The following GPR153 variants were observed in gnomAD, a reference collection of about 807,000 sequenced individuals.
GPR153 encodes G protein-coupled receptor 153.
A neutral mutation model predicts 34.1 loss-of-function variants in GPR153; 27 were observed. That is an observed-to-expected ratio of 0.79 (90% CI 0.58 to 1.09). GPR153 has a LOEUF of 1.09. Ranked by LOEUF, GPR153 falls within the 50% of genes least tolerant of loss-of-function variation. The pLI, the probability that GPR153 is intolerant of heterozygous loss-of-function variation, is 0.00. For synonymous variants in GPR153, 408 were observed against 405.4 expected (o/e 1.01, Z -0.08); for missense variants, 848 against 860.2 (o/e 0.99, Z 0.18).
rs929803533 is a variant in GPR153 at position 6,250,250 on chromosome 1, G to C, written c.1164+190C>G. The C allele has an allele frequency of 5.1e-6, 5 of 985,300 alleles. No homozygotes were observed. The African/African-American group carries it at 8.7e-5, about 17-fold the overall frequency. The allele number at this position is 985,300 out of a possible 1,614,324, so 61.0% of individuals were successfully genotyped here. On this transcript the variant is annotated intron_variant, in intron 5 of 5. Coordinates refer to ENST00000377893, the MANE Select transcript of GPR153 (RefSeq NM_207370.4). ...CGGCAGGAGATAACTCATGTGACAG[G>C]GACCATGGGGGTGGCGGTTGGGGCC... is the stretch of plus-strand genomic sequence containing the variant.
At chr1:6,257,601 G>A (rs927330663) in intron 1 of GPR153, among the ~76,000 whole-genome samples, 1 of 152,250 alleles carries the variant, frequency 6.6e-6, no homozygotes, top group East Asian at 1.9e-4. Context: ...GTGCTCTGGG[G>A]TAGTGGCCAG....
Position 6,248,510 on chromosome 1 carries a change from G to A in GPR153, c.*828C>T, listed in dbSNP as rs76534458. 4,617 of 152,512 alleles carry A rather than the reference G, an allele frequency of 0.03. 92 individuals carry two copies. Among genetic ancestry groups the A allele is most frequent in the Non-Finnish European group, 0.045 (3,051 of 68,146 alleles). The allele number at this position is 152,512 out of a possible 1,614,324, so 9.4% of individuals were successfully genotyped here. On this transcript the variant is annotated 3_prime_UTR_variant, in exon 6 of 6. Coordinates refer to ENST00000377893, the MANE Select transcript of GPR153 (RefSeq NM_207370.4). Reference sequence around the variant, plus strand: ...CACTAATGGTGGTCAAGGTGGCTCAGGTGCCATTGGTGGTGGTCCACAGTG... The same window carrying A: ...CACTAATGGTGGTCAAGGTGGCTCAAGTGCCATTGGTGGTGGTCCACAGTG...
chr1:6,250,716 T>A, intron 4 of GPR153, 92 bp from the exon 5 acceptor site: 1 of 605,892 alleles, frequency 1.7e-6, no homozygotes, highest in Admixed American at 2.7e-5. Context: ...CCCCCTGAGA[T>A]CCCCCAACAG....
chr1:6,252,154 A>G (rs564218766), intron 3 of GPR153, among the ~76,000 whole-genome samples: 4 of 152,146 alleles, frequency 2.6e-5, no homozygotes, highest in Non-Finnish European at 4.4e-5. Flanking sequence ...GACTGCCACA[A>G]AAGAGTGAAA....
At chr1:6,255,476 A>G (rs550161992) in intron 1 of GPR153, among the ~76,000 whole-genome samples, 122 of 148,076 alleles carry the variant, frequency 8.2e-4, no homozygotes, top group South Asian at 7.6e-3. Context: ...GGATTACAAG[A>G]TAACACTATT....
chr1:6,254,081 C>A lies in GPR153; in HGVS notation c.423G>T (p.Leu141=). 1 of 1,613,614 alleles carries A rather than the reference C, an allele frequency of 6.2e-7. No homozygotes were observed. Among genetic ancestry groups the A allele is most frequent in the South Asian group, 1.1e-5 (1 of 91,080 alleles). The change falls in exon 3 of 6, where the codon CTG becomes CTT. Residue 141 remains leucine (L), a synonymous_variant. Transcript: ENST00000377893. Reference sequence around the variant, plus strand: ...GCCAGCCAACGGCAGGCAGGGCCGACAGGATGAAGGACACCATCCAGATAC... The same window carrying A: ...GCCAGCCAACGGCAGGCAGGGCCGAAAGGATGAAGGACACCATCCAGATAC... The part of the protein sequence containing the change: ...VMGIWMVSFI[L]SALPAVGWHD...
rs182016925 is a variant in GPR153 at position 6,255,275 on chromosome 1, T to C, written c.-109-261A>G. On this transcript the variant is annotated intron_variant, in intron 1 of 5. Coordinates refer to ENST00000377893, the MANE Select transcript of GPR153 (RefSeq NM_207370.4). Reference sequence around the variant, plus strand: ...GTGCAGTGGCGCAATCTCAGCTCACTGCAAGCTCCGCTTCCCGGGTTCATG... The same window carrying C: ...GTGCAGTGGCGCAATCTCAGCTCACCGCAAGCTCCGCTTCCCGGGTTCATG... 7.0e-3 allele frequency among the ~76,000 whole-genome samples: 1,057 copies of C among 152,022 alleles called. 13 individuals carry two copies. The highest frequency in any genetic ancestry group is 0.026 in the South Asian group (125 of 4,810).
At chr1:6,260,371 TC>T (rs1638645005) in intron 1 of GPR153, among the ~76,000 whole-genome samples, 1 of 32,332 alleles carries the variant, frequency 3.1e-5, no homozygotes, top group African/African-American at 2.3e-4. Flanking sequence ...CCCCTGGGGC[TC>T]CGATCCCCCC....
Position 6,254,044 on chromosome 1 carries a change from CGCTGGTGTCGT to C in GPR153, c.449_459del (p.His150ArgfsTer14). 1 of 1,613,436 alleles carries C rather than the reference CGCTGGTGTCGT, an allele frequency of 6.2e-7. No homozygotes were observed. Among genetic ancestry groups the C allele is most frequent in the Non-Finnish European group, 8.5e-7 (1 of 1,180,002 alleles). ...CGGCAGCCATGGGTGTAGAAGCGCT[CGCTGGTGTCGT>C]GCCAGCCAACGGCAGGCAGGGCCGA... On this transcript the variant is annotated frameshift_variant, in exon 3 of 6. Coordinates refer to ENST00000377893, the MANE Select transcript of GPR153 (RefSeq NM_207370.4). LOFTEE classifies it high-confidence loss of function.
At position 6,249,369 on chromosome 1, in the gene GPR153, A is replaced by G. The variant is rs1638378628; in HGVS notation, c.1799T>C (p.Leu600Pro). 2.2e-6 allele frequency: 3 copies of G among 1,342,724 alleles called. No individual in the cohort carries two copies. The highest frequency in any genetic ancestry group is 3.9e-5 in the South Asian group (2 of 50,828). 83.2% of individuals were successfully genotyped at this position (1,342,724 alleles called of 1,614,324 possible). A position where few individuals can be genotyped will look rare whatever the true frequency, so the allele number is the denominator to read the frequency against. ...CGCGGAGCCCAGCGAGTCCGAGTGC[A>G]GCGTGGCGTAGCCCGAGGACTCGGA... Reference protein sequence around the residue: ...SPSESSGYATLHSDSLGSAS With the variant: ...SPSESSGYATPHSDSLGSAS Residue 600 changes from leucine to proline, a missense_variant, in exon 6 of 6, where the codon CTG becomes CCG. Coordinates refer to ENST00000377893, the MANE Select transcript of GPR153 (RefSeq NM_207370.4). This position sits in a 1 kb window ranked among gnomAD's most constrained non-coding sequence, Gnocchi z 4.3.
chr1:6,254,242 C>G (rs1363609499), intron 2 of GPR153, 95 bp from the exon 3 acceptor site: 15 of 1,138,258 alleles, frequency 1.3e-5, no homozygotes, highest in Non-Finnish European at 1.9e-5. Flanking sequence ...ACCACCCAGG[C>G]ACCCCACACC....
chr1:6,254,007 G>T lies in GPR153; in HGVS notation c.497C>A (p.Ala166Asp), dbSNP rs1461143248. Residue 166 changes from alanine to aspartate, a missense_variant, in exon 3 of 6, where the codon GCT (alanine) becomes GAT (aspartate). Physicochemically the swap from Ala to Asp is moderately radical, Grantham distance 126. Transcript: ENST00000377893. ...GACGCCAAAGCCCAGGCCGATCTCA[G>T]CCACGATGAAGCGGCAGCCATGGGT... ...FYTHGCRFIV[A>D]EIGLGFGVCF... The T allele has an allele frequency of 2.5e-6, 4 of 1,613,388 alleles. No homozygotes were observed. Among genetic ancestry groups the T allele is most frequent in the African/African-American group, 1.3e-5 (1 of 74,950 alleles).
intron 3 of GPR153, among the ~76,000 whole-genome samples, chr1:6,252,808 T>C (rs538738508): frequency 6.6e-6 from 1 of 152,270 alleles, no homozygotes; most frequent in African/African-American, 2.4e-5. Flanking sequence ...CCAGACTTCA[T>C]TCTTGGGCCA....
chr1:6,250,487 G>A lies in GPR153; in HGVS notation c.1117C>T (p.Leu373Phe). 1 of 1,610,198 alleles carries A rather than the reference G, an allele frequency of 6.2e-7. No individual in the cohort carries two copies. Among genetic ancestry groups the A allele is most frequent in the East Asian group, 2.2e-5 (1 of 44,780 alleles). Residue 373 changes from leucine to phenylalanine, a missense_variant, in exon 5 of 6, where the codon CTC (leucine) becomes TTC (phenylalanine). Coordinates refer to ENST00000377893, the MANE Select transcript of GPR153 (RefSeq NM_207370.4). ...TCCTGCAAGGGCCGCAGTGGGTAGA[G>A]CTGGGGCAGGCCCCCCTCCAGGGCG... ...ISALEGGLPQ[L>F]YPLRPLQEDK...
chr1:6,250,202 G>C (rs1036489420), intron 5 of GPR153, 199 bp from the exon 6 acceptor site: 1 of 985,310 alleles, frequency 1.0e-6, no homozygotes, highest in Non-Finnish European at 1.2e-6. Context: ...GGTTGGGGAG[G>C]GCGCTCGTTG....
At position 6,254,048 on chromosome 1, in the gene GPR153, G is replaced by A. The variant is rs1414221965; in HGVS notation, c.456C>T (p.Thr152=). ...SALPAVGWHD[T]SERFYTHGCR... ...AGCCATGGGTGTAGAAGCGCTCGCT[G>A]GTGTCGTGCCAGCCAACGGCAGGCA... is the stretch of plus-strand genomic sequence containing the variant. The change falls in exon 3 of 6, where the codon ACC becomes ACT. Residue 152 remains threonine (T), a synonymous_variant. Transcript: ENST00000377893. The A allele has an allele frequency of 6.2e-7, 1 of 1,613,526 alleles. No homozygotes were observed.
intron 3 of GPR153, among the ~76,000 whole-genome samples, chr1:6,252,696 A>AC (rs1218435310): frequency 6.6e-6 from 1 of 150,802 alleles, no homozygotes; most frequent in African/African-American, 2.4e-5. Flanking sequence ...CTTGGATGAA[A>AC]CCCCTCAGGC....
chr1:6,254,048 G>T lies in GPR153; in HGVS notation c.456C>A (p.Thr152=), dbSNP rs1414221965. The T allele has an allele frequency of 1.2e-6, 2 of 1,613,408 alleles. No individual in the cohort carries two copies. The highest frequency in any genetic ancestry group is 2.7e-5 in the African/African-American group (2 of 74,930). The change falls in exon 3 of 6, where the codon ACC becomes ACA. Residue 152 remains threonine, a synonymous_variant. Coordinates refer to ENST00000377893, the MANE Select transcript of GPR153 (RefSeq NM_207370.4). ...AGCCATGGGTGTAGAAGCGCTCGCT[G>T]GTGTCGTGCCAGCCAACGGCAGGCA... ...SALPAVGWHD[T]SERFYTHGCR...
Position 6,247,835 on chromosome 1 carries a change from G to A in GPR153, c.*1503C>T, listed in dbSNP as rs1319525330. On this transcript the variant is annotated 3_prime_UTR_variant, in exon 6 of 6. Coordinates refer to ENST00000377893, the MANE Select transcript of GPR153 (RefSeq NM_207370.4). ...TTGCAGTTCCCTGCCTTGCTCACCT[G>A]TGGCCACAGCTCATACCCCCAGTTA... 6.6e-6 allele frequency: 1 copy of A among 152,348 alleles called. No homozygotes were observed. Among genetic ancestry groups the A allele is most frequent in the East Asian group, 1.9e-4 (1 of 5,190 alleles). 9.4% of individuals were successfully genotyped at this position (152,348 alleles called of 1,614,324 possible). A position where few individuals can be genotyped will look rare whatever the true frequency, so the allele number is the denominator to read the frequency against.
Sources: allele counts gnomAD v4.1 joint callset (sites outside exome capture counted in the v4.1 genomes callset), GRCh38; gene constraint gnomAD v4.1.1; non-coding constraint Gnocchi (gnomAD v3.1); transcripts MANE v1.5; gene names NCBI Gene and HGNC (gene_info 2026-07-23, HGNC 2026-07-21).